Variants in CAMK2G observed in about 807,000 individuals in gnomAD.
CAMK2G encodes calcium/calmodulin dependent protein kinase II gamma.
In CAMK2G, 23 loss-of-function variants were observed where a neutral mutation model predicts 88.7. The observed-to-expected ratio is 0.26, with a 90% CI of 0.19 to 0.37. CAMK2G has a LOEUF of 0.37. Ranked by LOEUF, CAMK2G falls within the 10% of genes least tolerant of loss-of-function variation. The pLI, the probability that CAMK2G is intolerant of heterozygous loss-of-function variation, is 1.00. For synonymous variants in CAMK2G, 263 were observed against 294.8 expected, an observed-to-expected ratio of 0.89 and a Z score of 1.11; for missense variants, 476 against 780.8, an observed-to-expected ratio of 0.61 and a Z score of 4.65.
chr10:73,816,284 C>T, intron 21 of CAMK2G: 1 of 990,240 alleles, frequency 1.0e-6, no homozygotes, highest in Admixed American at 5.9e-5. Context: ...CTAGCCACAA[C>T]TTCCGATCTC....
chr10:73,817,408 ATTG>A, intron 20 of CAMK2G, 68 bp downstream of exon 20: 4 of 1,121,648 alleles, frequency 3.6e-6, no homozygotes, highest in Non-Finnish European at 5.5e-6. Context: ...CAGGGTCCTA[ATTG>A]TTGTCTGGAA....
intron 3 of CAMK2G, among the ~76,000 whole-genome samples, chr10:73,855,144 T>A (rs1380555618): frequency 1.3e-5 from 2 of 152,052 alleles, no homozygotes; most frequent in African/African-American, 4.8e-5. Context: ...CTGGGCACAC[T>A]CCATATACAC....
At chr10:73,863,416 T>C (rs1034243396) in intron 2 of CAMK2G, among the ~76,000 whole-genome samples, 2 of 152,178 alleles carry the variant, frequency 1.3e-5, no homozygotes, top group Non-Finnish European at 2.9e-5. Flanking sequence ...GCTTGCTTCT[T>C]CCAGATCTGG....
chr10:73,872,173 G>A (rs1004891634), intron 2 of CAMK2G, among the ~76,000 whole-genome samples: 1 of 152,182 alleles, frequency 6.6e-6, no homozygotes, highest in African/African-American at 2.4e-5. Flanking sequence ...GGTGAGTTTG[G>A]CAAGTACCCA....
At chr10:73,869,354 G>A (rs2095717723) in intron 2 of CAMK2G, among the ~76,000 whole-genome samples, 1 of 152,198 alleles carries the variant, frequency 6.6e-6, no homozygotes, top group South Asian at 2.1e-4. Context: ...CAGGGAAGGA[G>A]GAATCATCAG....
rs1322821315 is a variant in CAMK2G, at chr10:73,812,931, C to T, written c.*1587G>A. On this transcript the variant is annotated 3_prime_UTR_variant, in exon 23 of 23. Coordinates refer to ENST00000423381, the MANE Select transcript of CAMK2G (RefSeq NM_001367534.1). The stretch of plus-strand genomic sequence containing the variant: ...GAGGAGCCTGGCTAAATCCAAGCAC[C>T]AGCACCTGTGAGTCTGCTCTCTTCT... 1 of 152,764 alleles carries T rather than the reference C, an allele frequency of 6.5e-6. No homozygotes were observed. Among genetic ancestry groups the T allele is most frequent in the Non-Finnish European group, 1.5e-5 (1 of 68,098 alleles). The allele number at this position is 152,764 out of a possible 1,614,324, so 9.5% of individuals were successfully genotyped here. A position where few individuals can be genotyped will look rare whatever the true frequency, so the allele number is the denominator to read the frequency against.
intron 2 of CAMK2G, among the ~76,000 whole-genome samples, chr10:73,870,339 A>T (rs537641280): frequency 2.2e-4 from 33 of 152,278 alleles, no homozygotes; most frequent in African/African-American, 7.7e-4. Flanking sequence ...ACTTTCAGTG[A>T]CTTTATGTAG....
chr10:73,839,683 G>C lies in CAMK2G; in HGVS notation c.947-82C>G. 3 of 910,102 alleles carry C rather than the reference G, an allele frequency of 3.3e-6. No homozygotes were observed. Among genetic ancestry groups the C allele is most frequent in the Non-Finnish European group, 4.3e-6 (3 of 693,454 alleles). 56.4% of individuals were successfully genotyped at this position (910,102 alleles called of 1,614,324 possible). ...CAGCGAGCATGCCCCAGCGCGAGGCGCAGCCCAGGCGGCGTGGCCAAGCCA... is the reference window on the plus strand; with the variant it reads ...CAGCGAGCATGCCCCAGCGCGAGGCCCAGCCCAGGCGGCGTGGCCAAGCCA... On this transcript the variant is annotated intron_variant, in intron 12 of 22. Transcript: ENST00000423381. This position sits in a 1 kb window ranked among gnomAD's most constrained non-coding sequence, Gnocchi z 4.2.
rs765523197 is a variant in CAMK2G at position 73,842,256 on chromosome 10, A to G, written c.904-45T>C. ...CTGTGAATTCACTGAGACCCTAGAAAAGGGCAGGCTGGTCTCAGGCAAAGG... is the reference window on the plus strand; with the variant it reads ...CTGTGAATTCACTGAGACCCTAGAAGAGGGCAGGCTGGTCTCAGGCAAAGG... On this transcript the variant is annotated intron_variant, in intron 11 of 22. Coordinates refer to ENST00000423381, the MANE Select transcript of CAMK2G (RefSeq NM_001367534.1). The surrounding 1 kb of genome is among the most constrained non-coding windows in gnomAD (Gnocchi z 4.6). The G allele has an allele frequency of 6.5e-7, 1 of 1,528,708 alleles. No individual in the cohort carries two copies. The highest frequency in any genetic ancestry group is 9.1e-7 in the Non-Finnish European group (1 of 1,101,990). 94.7% of individuals were successfully genotyped at this position (1,528,708 alleles called of 1,614,324 possible). A position where few individuals can be genotyped will look rare whatever the true frequency, so the allele number is the denominator to read the frequency against.
At chr10:73,825,402 G>C in intron 15 of CAMK2G, 55 bp from the exon 16 acceptor site, 1 of 1,395,012 alleles carries the variant, frequency 7.2e-7, no homozygotes, top group South Asian at 1.2e-5. Flanking sequence ...GGCCACTCAG[G>C]TTCAACTCCC....
chr10:73,849,383 A>C, intron 5 of CAMK2G, 50 bp from the exon 6 acceptor site: 7 of 1,292,988 alleles, frequency 5.4e-6, no homozygotes, highest in Non-Finnish European at 7.8e-6. Flanking sequence ...AAACCACCTC[A>C]TCCACATCCA....
chr10:73,825,413 A>G, intron 15 of CAMK2G, 66 bp from the exon 16 acceptor site: 2 of 1,261,090 alleles, frequency 1.6e-6, no homozygotes, highest in Non-Finnish European at 1.2e-6. Flanking sequence ...TTCAACTCCC[A>G]GACCTCCCTT....
Position 73,874,539 on chromosome 10 carries a change from A to T in CAMK2G, c.-78T>A, listed in dbSNP as rs2096013054. 1 of 1,041,024 alleles carries T rather than the reference A, an allele frequency of 9.6e-7. No individual in the cohort carries two copies. The highest frequency in any genetic ancestry group is 1.3e-6 in the Non-Finnish European group (1 of 759,034). The allele number at this position is 1,041,024 out of a possible 1,614,324, so 64.5% of individuals were successfully genotyped here. On this transcript the variant is annotated 5_prime_UTR_variant, in exon 1 of 23. Transcript: ENST00000423381. The stretch of plus-strand genomic sequence containing the variant: ...GTCACCGCCGCCCGGCCGAGGGAGC[A>T]AGAGGAGGAGACGGGGCTGAGCCCG...
chr10:73,849,978 G>GA (rs918140464), intron 5 of CAMK2G, among the ~76,000 whole-genome samples: 3 of 152,040 alleles, frequency 2.0e-5, no homozygotes, highest in Non-Finnish European at 4.4e-5. Context: ...TTTGCGTAGA[G>GA]AAAAAAACCC....
rs780289394 is a variant in CAMK2G, at chr10:73,817,052, A to G, written c.1505T>C (p.Met502Thr). 7 of 1,614,042 alleles carry G rather than the reference A, an allele frequency of 4.3e-6. No individual in the cohort carries two copies. Among genetic ancestry groups the G allele is most frequent in the African/African-American group, 1.3e-5 (1 of 74,916 alleles). The change falls in exon 21 of 23, where the codon ATG becomes ACG. Residue 502 changes from methionine (M) to threonine (T), a missense_variant. Physicochemically the swap from Met to Thr is moderately conservative, Grantham distance 81. Transcript: ENST00000423381. ...CTCAAAGTAAAACTTATGGAAATCC[A>G]TCCCCTCCACGAGGTTACCAAGGGC... The part of the protein sequence containing the change: ...PEALGNLVEG[M>T]DFHKFYFENL...
At chr10:73,874,339 A>C in intron 1 of CAMK2G, 58 bp downstream of exon 1, 1 of 1,224,712 alleles carries the variant, frequency 8.2e-7, no homozygotes, top group Non-Finnish European at 1.1e-6. Flanking sequence ...GCGGGGCGAG[A>C]AGCCGCATAG....
intron 18 of CAMK2G, 129 bp from the exon 19 acceptor site, chr10:73,819,774 C>T: frequency 1.6e-6 from 1 of 616,084 alleles, no homozygotes; most frequent in South Asian, 2.0e-5. Context: ...AAGGGGACGC[C>T]TCGCCTCAGG....
chr10:73,840,516 A>C (rs1303792970), intron 12 of CAMK2G, among the ~76,000 whole-genome samples: 1 of 152,204 alleles, frequency 6.6e-6, no homozygotes, highest in Non-Finnish European at 1.5e-5. Context: ...GAATGCTTGC[A>C]ACATTGTTTG....
rs2134282383 is a variant in CAMK2G, at chr10:73,839,672, C to A, written c.947-71G>T. ...GGGGCCGTCAGCAGCGAGCATGCCCCAGCGCGAGGCGCAGCCCAGGCGGCG... is the reference window on the plus strand; with the variant it reads ...GGGGCCGTCAGCAGCGAGCATGCCCAAGCGCGAGGCGCAGCCCAGGCGGCG... On this transcript the variant is annotated intron_variant, in intron 12 of 22. Coordinates refer to ENST00000423381, the MANE Select transcript of CAMK2G (RefSeq NM_001367534.1). This position sits in a 1 kb window ranked among gnomAD's most constrained non-coding sequence, Gnocchi z 4.2. The A allele has an allele frequency of 1.0e-6, 1 of 977,820 alleles. No individual in the cohort carries two copies. 60.6% of individuals were successfully genotyped at this position (977,820 alleles called of 1,614,324 possible).
Sources: gnomAD v4.1 joint callset for allele counts (sites outside exome capture counted in the v4.1 genomes callset) on GRCh38, gnomAD v4.1.1 for gene constraint, Gnocchi (gnomAD v3.1) non-coding constraint, MANE v1.5 for transcripts, NCBI Gene and HGNC (gene_info 2026-07-23, HGNC 2026-07-21) for gene names.